TAFA2: variants seen among roughly 807,000 people sequenced by gnomAD.
The protein encoded by TAFA2 is chemokine-like protein TAFA-2.
TAFA2 carries 7 observed loss-of-function variants against 18.8 expected under a neutral mutation model. The ratio of observed to expected loss-of-function variants is 0.37; its 90% CI spans 0.21 to 0.70. The LOEUF is 0.70. Ranked by LOEUF, TAFA2 falls within the 30% of genes least tolerant of loss-of-function variation. TAFA2 has a pLI of 0.53. For missense variants in TAFA2, 122 were observed against 158.1 expected, an observed-to-expected ratio of 0.77 and a Z score of 1.23; for synonymous variants, 60 against 54.2, an observed-to-expected ratio of 1.11 and a Z score of -0.47.
intron 4 of TAFA2, among the ~76,000 whole-genome samples, chr12:61,742,878 T>C (rs1868520989): frequency 6.6e-6 from 1 of 151,948 alleles, no homozygotes; most frequent in Non-Finnish European, 1.5e-5. Context: ...TACCATCACC[T>C]CCCTACCTTA....
chr12:61,950,158 T>C (rs2121450269), intron 1 of TAFA2, among the ~76,000 whole-genome samples: 1 of 152,328 alleles, frequency 6.6e-6, no homozygotes, highest in Non-Finnish European at 1.5e-5. Flanking sequence ...TTTTGTCATT[T>C]CATCCATGAA....
intron 1 of TAFA2, chr12:62,234,865 G>C: frequency 9.6e-7 from 1 of 1,043,228 alleles, no homozygotes; most frequent in Non-Finnish European, 1.5e-6. Context: ...CAATGACTGG[G>C]ACTCAGCTCG....
chr12:61,939,115 C>T (rs1050836634), intron 1 of TAFA2, among the ~76,000 whole-genome samples: 8 of 152,138 alleles, frequency 5.3e-5, no homozygotes, highest in African/African-American at 1.9e-4. Context: ...AGTCCAGGCA[C>T]ACCCTACTAG....
chr12:61,918,047 T>G (rs905757753), intron 1 of TAFA2, among the ~76,000 whole-genome samples: 1 of 152,086 alleles, frequency 6.6e-6, no homozygotes, highest in African/African-American at 2.4e-5. Flanking sequence ...ACATAGTGGA[T>G]GTATATATCC....
chr12:61,739,558 G>A (rs1305509096), intron 4 of TAFA2, among the ~76,000 whole-genome samples: 5 of 151,858 alleles, frequency 3.3e-5, no homozygotes, highest in African/African-American at 2.4e-5. Context: ...TTACTGAATA[G>A]GATCTCCTTA....
chr12:61,995,553 T>C (rs1301366795), intron 1 of TAFA2, among the ~76,000 whole-genome samples: 1 of 152,212 alleles, frequency 6.6e-6, no homozygotes, highest in Non-Finnish European at 1.5e-5. Context: ...TCGACCTTTT[T>C]CAATGTTGTG....
At chr12:62,083,991 AC>A (rs1398031508) in intron 1 of TAFA2, among the ~76,000 whole-genome samples, 1 of 152,202 alleles carries the variant, frequency 6.6e-6, no homozygotes, top group African/African-American at 2.4e-5. Flanking sequence ...AAGAAAAGAT[AC>A]ATCAATATTC....
chr12:61,795,999 G>A (rs12318089), intron 2 of TAFA2, among the ~76,000 whole-genome samples: 6,914 of 151,946 alleles, frequency 0.046, 498 homozygotes, highest in African/African-American at 0.16. Flanking sequence ...ATACTATGAA[G>A]GAAAAAGAAA....
At chr12:61,977,134 T>C (rs1001056489) in intron 1 of TAFA2, among the ~76,000 whole-genome samples, 2 of 152,060 alleles carry the variant, frequency 1.3e-5, no homozygotes, top group African/African-American at 4.8e-5. Context: ...CAAAACATAT[T>C]GCAGCATTTC....
intron 2 of TAFA2, among the ~76,000 whole-genome samples, chr12:61,814,746 T>C (rs1407956552): frequency 6.6e-6 from 1 of 151,216 alleles, no homozygotes; most frequent in Non-Finnish European, 1.5e-5. Context: ...TCACAAGGAC[T>C]CTTATAAGAG....
At chr12:61,853,124 G>A (rs1450141247) in intron 2 of TAFA2, among the ~76,000 whole-genome samples, 1 of 152,106 alleles carries the variant, frequency 6.6e-6, no homozygotes, top group African/African-American at 2.4e-5. Flanking sequence ...ATTTCATAAT[G>A]TATACATATA....
intron 1 of TAFA2, among the ~76,000 whole-genome samples, chr12:62,088,978 T>C (rs1263012628): frequency 6.6e-6 from 1 of 152,032 alleles, no homozygotes; most frequent in Non-Finnish European, 1.5e-5. Flanking sequence ...CACACACAGT[T>C]CTTATGATAC....
chr12:61,735,803 C>A (rs148091982), intron 4 of TAFA2, among the ~76,000 whole-genome samples: 125 of 151,788 alleles, frequency 8.2e-4, no homozygotes, highest in African/African-American at 2.9e-3. Context: ...TTTACATTGC[C>A]TTATCTTCAT....
intron 1 of TAFA2, among the ~76,000 whole-genome samples, chr12:62,137,274 T>C (rs1005537159): frequency 1.3e-5 from 2 of 152,150 alleles, no homozygotes; most frequent in Non-Finnish European, 2.9e-5. Context: ...TAATGAGGAA[T>C]TGAAGGAAAG....
chr12:61,710,289 A>G lies in TAFA2; in HGVS notation c.*117T>C, dbSNP rs144656678. On this transcript the variant is annotated 3_prime_UTR_variant, in exon 5 of 5. Coordinates refer to ENST00000416284, the MANE Select transcript of TAFA2 (RefSeq NM_178539.5). The stretch of plus-strand genomic sequence containing the variant: ...CCATGAAATCCCTTGGAAATAGACT[A>G]TTGAGCGCCTCTTTCAAGTGGTATA... The G allele has an allele frequency of 4.3e-4, 388 of 904,620 alleles. 1 individual carries two copies. In the African/African-American group the frequency reaches 5.7e-3, roughly 13 times the overall value. 56.0% of individuals were successfully genotyped at this position (904,620 alleles called of 1,614,324 possible).
At chr12:62,106,084 G>A (rs1338856960) in intron 1 of TAFA2, among the ~76,000 whole-genome samples, 1 of 152,142 alleles carries the variant, frequency 6.6e-6, no homozygotes, top group East Asian at 1.9e-4. Flanking sequence ...TGTAATCCCA[G>A]CACTTAGGGA....
intron 1 of TAFA2, among the ~76,000 whole-genome samples, chr12:62,178,343 A>G (rs1402683237): frequency 6.6e-6 from 1 of 152,208 alleles, no homozygotes; most frequent in Non-Finnish European, 1.5e-5. Context: ...GGGCAGTAAT[A>G]AAATTCTGTC....
At chr12:61,795,372 T>C (rs372219862) in intron 2 of TAFA2, among the ~76,000 whole-genome samples, 6,896 of 152,024 alleles carry the variant, frequency 0.045, 487 homozygotes, top group African/African-American at 0.16. Flanking sequence ...AAATGTGGCA[T>C]ATATACACCA....
intron 1 of TAFA2, among the ~76,000 whole-genome samples, chr12:61,957,721 A>G (rs902274736): frequency 1.2e-4 from 18 of 152,092 alleles, no homozygotes; most frequent in African/African-American, 4.3e-4. Flanking sequence ...AAAAGTCCGT[A>G]TCTCCTCTGC....
Sources: allele counts gnomAD v4.1 joint callset (sites outside exome capture counted in the v4.1 genomes callset), GRCh38; gene constraint gnomAD v4.1.1; transcripts MANE v1.5; gene names NCBI Gene and HGNC (gene_info 2026-07-23, HGNC 2026-07-21).